Variants in PPP3R1 observed in about 807,000 individuals in gnomAD.
PPP3R1 encodes the protein calcineurin subunit B type 1.
In PPP3R1, 5 loss-of-function variants were observed where a neutral mutation model predicts 22.6. The ratio of observed to expected loss-of-function variants is 0.22; its 90% CI spans 0.12 to 0.46. PPP3R1 has a LOEUF of 0.46. Among genes scored for constraint, PPP3R1 ranks in the 20% least tolerant of loss-of-function variants. The pLI, the probability that PPP3R1 is intolerant of heterozygous loss-of-function variation, is 0.99. For synonymous variants in PPP3R1, 56 were observed against 65.2 expected (o/e 0.86, Z 0.68); for missense variants, 61 against 203.2 (o/e 0.30, Z 4.25).
chr2:68,200,924 T>C (rs1012750319), intron 2 of PPP3R1, among the ~76,000 whole-genome samples: 5 of 152,208 alleles, frequency 3.3e-5, no homozygotes, highest in Non-Finnish European at 5.9e-5. Flanking sequence ...TTCAAATCAA[T>C]ACAGGCAGTA....
At chr2:68,235,663 T>C (rs1434268590) in intron 1 of PPP3R1, among the ~76,000 whole-genome samples, 1 of 152,234 alleles carries the variant, frequency 6.6e-6, no homozygotes, top group Non-Finnish European at 1.5e-5. Flanking sequence ...TTATGAACAT[T>C]CATGTCCAAG....
intron 1 of PPP3R1, among the ~76,000 whole-genome samples, chr2:68,246,325 A>G (rs7576010): frequency 0.74 from 112,987 of 151,760 alleles, 43,103 homozygotes; most frequent in African/African-American, 0.93. Flanking sequence ...CGCCCGCCTC[A>G]GCCTCCCAAA....
rs570920476 is a variant in PPP3R1, at chr2:68,209,321, T to C, written c.43+7771A>G. Among the ~76,000 whole-genome samples, 5 of 108,528 alleles carry C rather than the reference T, an allele frequency of 4.6e-5. No individual in the cohort carries two copies. The East Asian group carries it at 1.7e-3, about 36-fold the overall frequency. The allele number at this position is 108,528 out of a possible 152,430, so 71.2% of individuals were successfully genotyped here. ...TTGCAGTGAGCCGAGATCCCGCCACTGCACTCCAGCCTGGGCGACAGAGCG... is the reference window on the plus strand; with the variant it reads ...TTGCAGTGAGCCGAGATCCCGCCACCGCACTCCAGCCTGGGCGACAGAGCG... On this transcript the variant is annotated intron_variant, in intron 2 of 5. Coordinates refer to ENST00000234310, the MANE Select transcript of PPP3R1 (RefSeq NM_000945.4).
At chr2:68,223,357 C>G (rs1005332797) in intron 1 of PPP3R1, among the ~76,000 whole-genome samples, 7 of 152,220 alleles carry the variant, frequency 4.6e-5, no homozygotes, top group Non-Finnish European at 1.0e-4. Context: ...GATCACGCCA[C>G]TACACTCTAG....
At chr2:68,194,485 T>C (rs1674729353) in intron 2 of PPP3R1, among the ~76,000 whole-genome samples, 1 of 152,112 alleles carries the variant, frequency 6.6e-6, no homozygotes, top group Non-Finnish European at 1.5e-5. Context: ...ATAATATTAA[T>C]AGAAATAGAA....
At chr2:68,235,330 T>C (rs771569652) in intron 1 of PPP3R1, among the ~76,000 whole-genome samples, 1 of 152,182 alleles carries the variant, frequency 6.6e-6, no homozygotes, top group Non-Finnish European at 1.5e-5. Flanking sequence ...GCATATTTAT[T>C]ACCCACAAAA....
chr2:68,218,852 G>T (rs1156893371), intron 1 of PPP3R1, among the ~76,000 whole-genome samples: 4 of 151,900 alleles, frequency 2.6e-5, no homozygotes, highest in African/African-American at 7.3e-5. Context: ...GACCTTTACA[G>T]TGTTATCAAT....
chr2:68,180,687 ATAAATTAAAAAGCCAACCCCTTC>A lies in PPP3R1; in HGVS notation c.*253_*275del. ...TTCTTGTTATAAAAGATGAAGAAAA[ATAAATTAAAAAGCCAACCCCTTC>A]CCTTTCTCCACCACATTGATATGCT... On this transcript the variant is annotated 3_prime_UTR_variant, in exon 6 of 6. Transcript: ENST00000234310. The A allele has an allele frequency of 7.1e-6, 2 of 282,180 alleles. No individual in the cohort carries two copies. Among genetic ancestry groups the A allele is most frequent in the Non-Finnish European group, 1.3e-5 (2 of 152,294 alleles). 17.5% of individuals were successfully genotyped at this position (282,180 alleles called of 1,614,324 possible). A position where few individuals can be genotyped will look rare whatever the true frequency, so the allele number is the denominator to read the frequency against.
At chr2:68,222,630 T>C (rs902777764) in intron 1 of PPP3R1, among the ~76,000 whole-genome samples, 10 of 152,300 alleles carry the variant, frequency 6.6e-5, no homozygotes, top group African/African-American at 2.4e-4. Context: ...ATTTATACCA[T>C]CAGTTCTTCA....
At chr2:68,185,453 T>C (rs1379147205) in intron 5 of PPP3R1, among the ~76,000 whole-genome samples, 1 of 145,144 alleles carries the variant, frequency 6.9e-6, no homozygotes, top group Non-Finnish European at 1.5e-5. Context: ...TTATATTATA[T>C]TTATAATTTA....
At chr2:68,205,412 T>G (rs1675097836) in intron 2 of PPP3R1, among the ~76,000 whole-genome samples, 1 of 151,880 alleles carries the variant, frequency 6.6e-6, no homozygotes, top group Non-Finnish European at 1.5e-5. Flanking sequence ...CCTGCTAACT[T>G]TTTACATTTT....
intron 1 of PPP3R1, among the ~76,000 whole-genome samples, chr2:68,217,810 A>G (rs1353975961): frequency 6.6e-6 from 1 of 152,108 alleles, no homozygotes; most frequent in Non-Finnish European, 1.5e-5. Flanking sequence ...TCAATTTTCT[A>G]TACTAGGATT....
At chr2:68,186,080 C>T (rs1286030536) in intron 5 of PPP3R1, among the ~76,000 whole-genome samples, 1 of 152,190 alleles carries the variant, frequency 6.6e-6, no homozygotes, top group Non-Finnish European at 1.5e-5. Flanking sequence ...TCTGGATGCT[C>T]TAGTTTTCTC....
At chr2:68,196,089 T>C (rs13003609) in intron 2 of PPP3R1, among the ~76,000 whole-genome samples, 32,298 of 152,040 alleles carry the variant, frequency 0.21, 3,655 homozygotes, top group Non-Finnish European at 0.25. Flanking sequence ...TAGAGGTGTT[T>C]TGGAAAAAAG....
intron 1 of PPP3R1, among the ~76,000 whole-genome samples, chr2:68,232,140 T>C (rs59786977): frequency 0.66 from 60,710 of 92,352 alleles, 21,006 homozygotes; most frequent in African/African-American, 0.79. Flanking sequence ...CACACACACA[T>C]ATATATGTAT....
chr2:68,243,548 T>C (rs1670172073), intron 1 of PPP3R1, among the ~76,000 whole-genome samples: 1 of 152,136 alleles, frequency 6.6e-6, no homozygotes, highest in African/African-American at 2.4e-5. Context: ...TTTTAATAAT[T>C]TGTTATCCAT....
At chr2:68,202,256 A>C (rs1203427407) in intron 2 of PPP3R1, among the ~76,000 whole-genome samples, 1 of 152,240 alleles carries the variant, frequency 6.6e-6, no homozygotes, top group Non-Finnish European at 1.5e-5. Flanking sequence ...GATTTCTTCA[A>C]ATTACTCAAA....
rs964266967 is a variant in PPP3R1, at chr2:68,188,792, G to A, written c.44-102C>T. On this transcript the variant is annotated intron_variant, in intron 2 of 5. Coordinates refer to ENST00000234310, the MANE Select transcript of PPP3R1 (RefSeq NM_000945.4). ...TTTAAAAAAAATTTTAATAGTTATA[G>A]GGGGGAAAAAAAATCTAACAGTTAT... is the stretch of plus-strand genomic sequence containing the variant. 8.1e-6 allele frequency: 8 copies of A among 983,388 alleles called. No homozygotes were observed. The African/African-American group carries it at 1.3e-4, about 16-fold the overall frequency. 60.9% of individuals were successfully genotyped at this position (983,388 alleles called of 1,614,324 possible).
intron 2 of PPP3R1, among the ~76,000 whole-genome samples, chr2:68,194,763 A>T (rs1485284265): frequency 6.6e-6 from 1 of 152,152 alleles, no homozygotes; most frequent in Non-Finnish European, 1.5e-5. Context: ...AATGAAATAA[A>T]CAGAATGGTA....
Sources: gnomAD v4.1 joint callset for allele counts (sites outside exome capture counted in the v4.1 genomes callset) on GRCh38, gnomAD v4.1.1 for gene constraint, MANE v1.5 for transcripts, NCBI Gene and HGNC (gene_info 2026-07-23, HGNC 2026-07-21) for gene names.